The following ARHGAP45 variants were observed in gnomAD, a reference collection of about 807,000 sequenced individuals.
The protein encoded by ARHGAP45 is rho GTPase-activating protein 45.
Under a neutral mutation model 116.1 loss-of-function variants are expected in ARHGAP45, and 56 were observed. The ratio of observed to expected loss-of-function variants is 0.48; its 90% CI spans 0.39 to 0.60. ARHGAP45 has a LOEUF of 0.60. Among genes scored for constraint, ARHGAP45 ranks in the 20% least tolerant of loss-of-function variants. The pLI, the probability that ARHGAP45 is intolerant of heterozygous loss-of-function variation, is 0.00. For missense variants in ARHGAP45, 1,622 were observed against 1,601.0 expected (o/e 1.01, Z -0.22); for synonymous variants, 866 against 701.7 (o/e 1.23, Z -3.70).
At chr19:1,073,776 T>TGGA (rs1056814840) in intron 5 of ARHGAP45, 30 bp downstream of exon 5, 89 of 1,563,402 alleles carry the variant, frequency 5.7e-5, no homozygotes, top group Non-Finnish European at 7.1e-5. Context: ...GCCACCTGTG[T>TGGA]CCAGCTTCTG....
rs781270265 is a variant in ARHGAP45, at chr19:1,081,809, C to T, written c.2380-15C>T. ...GCCGAGGCTGATGGGCCTCCCCACC[C>T]CCGGGCTCCCGCAGGGCATCTACCG... On this transcript the variant is annotated splice_polypyrimidine_tract_variant and intron_variant, in intron 18 of 22. Coordinates refer to ENST00000313093, the MANE Select transcript of ARHGAP45 (RefSeq NM_012292.5). 3 of 1,597,706 alleles carry T rather than the reference C, an allele frequency of 1.9e-6. No individual in the cohort carries two copies. The highest frequency in any genetic ancestry group is 2.2e-5 in the South Asian group (2 of 89,392).
Position 1,071,212 on chromosome 19 carries a change from T to G in ARHGAP45, c.422-1937T>G. The G allele has an allele frequency of 1.4e-6, 2 of 1,423,694 alleles. No individual in the cohort carries two copies. Among genetic ancestry groups the G allele is most frequent in the Non-Finnish European group, 1.8e-6 (2 of 1,091,134 alleles). The allele number at this position is 1,423,694 out of a possible 1,614,324, so 88.2% of individuals were successfully genotyped here. A position where few individuals can be genotyped will look rare whatever the true frequency, so the allele number is the denominator to read the frequency against. The stretch of plus-strand genomic sequence containing the variant: ...GGGCCTCCTGACCGGCCGGAGCCGG[T>G]TTGGCCACCGGAGACCCCCATCGGT... On this transcript the variant is annotated intron_variant, in intron 2 of 22. Transcript: ENST00000313093. This position sits in a 1 kb window ranked among gnomAD's most constrained non-coding sequence, Gnocchi z 4.6.
At chr19:1,067,154 C>T (rs1021347828), upstream of ARHGAP45, 1 of 1,203,912 alleles carries the variant, frequency 8.3e-7, no homozygotes. Flanking sequence ...CCTGCGACCT[C>T]ACCTTCGCGC....
chr19:1,068,505 C>G lies in ARHGAP45; in HGVS notation c.182C>G (p.Thr61Ser). ...TCCTCCGGCGTCAAGGCCACAGGGACCCTCAAGCGGCCCACCAGCCTGAGC... is the reference window on the plus strand; with the variant it reads ...TCCTCCGGCGTCAAGGCCACAGGGAGCCTCAAGCGGCCCACCAGCCTGAGC... ...AGSSGVKATG[T>S]LKRPTSLSRH... Residue 61 changes from threonine to serine, a missense_variant, in exon 2 of 23, where the codon ACC (threonine) becomes AGC (serine). By Grantham distance (58) the Thr-to-Ser change is moderately conservative. This residue lies in a region of ARHGAP45 where 279 missense variants were observed against 311.9 expected (regional missense o/e 0.89). Transcript: ENST00000313093. The surrounding 1 kb of genome is among the most constrained non-coding windows in gnomAD (Gnocchi z 7.5). 6.3e-7 allele frequency: 1 copy of G among 1,598,622 alleles called. No individual in the cohort carries two copies. The highest frequency in any genetic ancestry group is 1.1e-5 in the South Asian group (1 of 89,424).
At chr19:1,083,475 G>T (rs987745655) in intron 21 of ARHGAP45, 122 bp downstream of exon 21, 14 of 832,474 alleles carry the variant, frequency 1.7e-5, no homozygotes, top group Middle Eastern at 3.5e-4. Flanking sequence ...GGTTTGGACA[G>T]GGCTGTTCGG....
chr19:1,084,108 G>A, intron 21 of ARHGAP45, 130 bp from the exon 22 acceptor site: 1 of 818,538 alleles, frequency 1.2e-6, no homozygotes, highest in Admixed American at 2.0e-5. Context: ...GTTTGCTCTT[G>A]GCTGAGGACA....
intron 2 of ARHGAP45, among the ~76,000 whole-genome samples, chr19:1,070,497 A>AT (rs200073142): frequency 3.2e-5 from 4 of 125,194 alleles, no homozygotes; most frequent in South Asian, 2.4e-4. Context: ...TGCCCGGCTA[A>AT]TTTTTTTTCT....
chr19:1,080,138 C>G lies in ARHGAP45; in HGVS notation c.1703+20C>G, dbSNP rs966598065. The G allele has an allele frequency of 6.2e-7, 1 of 1,610,698 alleles. No individual in the cohort carries two copies. Among genetic ancestry groups the G allele is most frequent in the Non-Finnish European group, 8.5e-7 (1 of 1,178,880 alleles). On this transcript the variant is annotated intron_variant, in intron 13 of 22. Transcript: ENST00000313093. Reference sequence around the variant, plus strand: ...CGCCTGGTACCGCCACCCAGCTGCCCTGTCCCCGGCGCACAAGGCCCTGCC... The same window carrying G: ...CGCCTGGTACCGCCACCCAGCTGCCGTGTCCCCGGCGCACAAGGCCCTGCC...
At position 1,080,817 on chromosome 19, in the gene ARHGAP45, AG is replaced by A. The variant is rs761781157; in HGVS notation, c.2017+37del. The A allele has an allele frequency of 1.2e-5, 20 of 1,611,202 alleles. No individual in the cohort carries two copies. The Middle Eastern group carries it at 4.9e-4, about 40-fold the overall frequency. Reference sequence around the variant, plus strand: ...GGTCCCCTGACGGGGCTGGAGAGAGAGGGGGGTTTGGACACAGTCCATGGGC... The same window carrying A: ...GGTCCCCTGACGGGGCTGGAGAGAGAGGGGGTTTGGACACAGTCCATGGGC... On this transcript the variant is annotated intron_variant, in intron 16 of 22. Coordinates refer to ENST00000313093, the MANE Select transcript of ARHGAP45 (RefSeq NM_012292.5).
In ARHGAP45 at chr19:1,079,920, G is replaced by GC. The variant is rs1279307735; in HGVS notation, c.1513-5dup. 3 of 1,602,690 alleles carry GC rather than the reference G, an allele frequency of 1.9e-6. No individual in the cohort carries two copies. Among genetic ancestry groups the GC allele is most frequent in the Admixed American group, 3.3e-5 (2 of 59,794 alleles). On this transcript the variant is annotated splice_polypyrimidine_tract_variant and splice_region_variant and intron_variant, in intron 12 of 22. Transcript: ENST00000313093. Reference sequence around the variant, plus strand: ...CCTGACCCCTCCGCTCTCCGGTGCCGCCCGCAGGCCACGATCTCCTACTAC... The same window carrying GC: ...CCTGACCCCTCCGCTCTCCGGTGCCGCCCCGCAGGCCACGATCTCCTACTAC...
Position 1,079,966 on chromosome 19 carries a change from G to T in ARHGAP45, c.1551G>T (p.Thr517=), listed in dbSNP as rs769452353. 1 of 1,612,584 alleles carries T rather than the reference G, an allele frequency of 6.2e-7. No homozygotes were observed. The highest frequency in any genetic ancestry group is 8.5e-7 in the Non-Finnish European group (1 of 1,179,652). The change falls in exon 13 of 23, where the codon ACG becomes ACT. Residue 517 remains threonine (T), a synonymous_variant. Coordinates refer to ENST00000313093, the MANE Select transcript of ARHGAP45 (RefSeq NM_012292.5). ...ISYYQMMHMQ[T]APLPVHFQML... ...ACTACCAGATGATGCATATGCAGAC[G>T]GCGCCGCTGCCCGTGCACTTCCAGA...
chr19:1,074,890 C>T lies in ARHGAP45; in HGVS notation c.1185+11C>T, dbSNP rs771735244. ...GCCCAGAGGAAGCTGGTGAGGCGGG[C>T]GGGCGGGGGCGGGCGGGGGCGGGCA... On this transcript the variant is annotated intron_variant, in intron 10 of 22. Coordinates refer to ENST00000313093, the MANE Select transcript of ARHGAP45 (RefSeq NM_012292.5). 39 of 53,486 alleles carry T rather than the reference C, an allele frequency of 7.3e-4. No individual in the cohort carries two copies. Among genetic ancestry groups the T allele is most frequent in the Non-Finnish European group, 1.6e-3 (34 of 21,728 alleles). The allele number at this position is 53,486 out of a possible 1,614,324, so 3.3% of individuals were successfully genotyped here.
rs763788321 is a variant in ARHGAP45, at chr19:1,077,266, G to A, written c.1186-591G>A. On this transcript the variant is annotated intron_variant, in intron 10 of 22. Transcript: ENST00000313093. ...TGTGCGTGTCTGCAGAGGCTGCCGT[G>A]TGAGCCTCTGTGCAGAGCTTGGCTG... 674 of 985,354 alleles carry A rather than the reference G, an allele frequency of 6.8e-4. 1 individual carries two copies. The Middle Eastern group carries it at 0.011, about 17-fold the overall frequency. The allele number at this position is 985,354 out of a possible 1,614,324, so 61.0% of individuals were successfully genotyped here.
chr19:1,082,778 G>A (rs924214150), intron 19 of ARHGAP45, 62 bp from the exon 20 acceptor site: 20 of 1,360,480 alleles, frequency 1.5e-5, no homozygotes, highest in Non-Finnish European at 1.9e-5. Flanking sequence ...TGGGGGCGTG[G>A]CAGGCACACG....
At chr19:1,080,610 T>G in intron 15 of ARHGAP45, 63 bp downstream of exon 15, 2 of 1,600,772 alleles carry the variant, frequency 1.2e-6, no homozygotes, top group Non-Finnish European at 1.7e-6. Flanking sequence ...CCTCAGGGTT[T>G]CATCACCCAC....
Position 1,083,366 on chromosome 19 carries a change from G to T in ARHGAP45, c.2955+13G>T, listed in dbSNP as rs1053009047. Reference sequence around the variant, plus strand: ...CCCCGGGGGCCAGGTGAGGGTGTGGGCCTGACCGGGGCTGGCCACTCGGGG... The same window carrying T: ...CCCCGGGGGCCAGGTGAGGGTGTGGTCCTGACCGGGGCTGGCCACTCGGGG... On this transcript the variant is annotated intron_variant, in intron 21 of 22. Transcript: ENST00000313093. 28 of 1,539,388 alleles carry T rather than the reference G, an allele frequency of 1.8e-5. No homozygotes were observed. The highest frequency in any genetic ancestry group is 2.4e-5 in the Non-Finnish European group (28 of 1,146,462).
chr19:1,069,762 C>A lies in ARHGAP45; in HGVS notation c.421+1018C>A, dbSNP rs2043104345. On this transcript the variant is annotated intron_variant, in intron 2 of 22. Coordinates refer to ENST00000313093, the MANE Select transcript of ARHGAP45 (RefSeq NM_012292.5). This position sits in a 1 kb window ranked among gnomAD's most constrained non-coding sequence, Gnocchi z 4.1. ...CCTTGGAGGCCTGGCCTGGGCGGGG[C>A]TCAGCTCCCAGGCTCCTGCAGGAGG... 6.6e-6 allele frequency among the ~76,000 whole-genome samples: 1 copy of A among 151,784 alleles called. No individual in the cohort carries two copies. The highest frequency in any genetic ancestry group is 1.5e-5 in the Non-Finnish European group (1 of 67,950).
chr19:1,080,305 C>A lies in ARHGAP45; in HGVS notation c.1754C>A (p.Ala585Glu). The A allele has an allele frequency of 6.2e-7, 1 of 1,612,100 alleles. No individual in the cohort carries two copies. The part of the protein sequence containing the change: ...RKSSFNVSDV[A>E]RPEAAGSPPE... Reference sequence around the variant, plus strand: ...AGCAGCTTCAACGTGAGTGATGTGGCGCGGCCGGAGGCTGCCGGGAGCCCC... The same window carrying A: ...AGCAGCTTCAACGTGAGTGATGTGGAGCGGCCGGAGGCTGCCGGGAGCCCC... The change falls in exon 14 of 23, where the codon GCG (alanine) becomes GAG (glutamate). Residue 585 changes from alanine (A) to glutamate (E), a missense_variant. By Grantham distance (107) the Ala-to-Glu change is moderately radical. Around this residue, in one of 3 missense-constraint regions of ARHGAP45, gnomAD observed 1,334 missense variants for 1,263.8 expected, o/e 1.06. Coordinates refer to ENST00000313093, the MANE Select transcript of ARHGAP45 (RefSeq NM_012292.5).
At position 1,073,877 on chromosome 19, in the gene ARHGAP45, C is replaced by T. The variant is rs969458965; in HGVS notation, c.724-71C>T. 31 of 1,530,614 alleles carry T rather than the reference C, an allele frequency of 2.0e-5. No individual in the cohort carries two copies. In the East Asian group the frequency reaches 3.9e-4, roughly 19 times the overall value. 94.8% of individuals were successfully genotyped at this position (1,530,614 alleles called of 1,614,324 possible). A position where few individuals can be genotyped will look rare whatever the true frequency, so the allele number is the denominator to read the frequency against. On this transcript the variant is annotated intron_variant, in intron 5 of 22. Transcript: ENST00000313093. ...TTCCCTCTCTGGGGGAGGCAGCAAC[C>T]GTCCCCTGAAGGGTGGGCACTGCCC...
Sources: gnomAD v4.1 joint callset for allele counts (sites outside exome capture counted in the v4.1 genomes callset) on GRCh38, gnomAD v4.1.1 for gene constraint, gnomAD v4.1.1 regional missense constraint, Gnocchi (gnomAD v3.1) non-coding constraint, MANE v1.5 for transcripts, NCBI Gene and HGNC (gene_info 2026-07-23, HGNC 2026-07-21) for gene names.